Variants in ADAT2 observed in about 807,000 individuals in gnomAD.
ADAT2 encodes tRNA-specific adenosine-34 deaminase catalytic subunit ADAT2.
In ADAT2, 26 loss-of-function variants were observed where a neutral mutation model predicts 25.9. The observed-to-expected ratio is 1.00, with a 90% CI of 0.74 to 1.39. The LOEUF is 1.39. Among genes scored for constraint, ADAT2 ranks in the 40% most tolerant of loss-of-function variants. The pLI is 0.00. For synonymous variants in ADAT2, 76 were observed against 86.8 expected, an observed-to-expected ratio of 0.88 and a Z score of 0.69; for missense variants, 220 against 244.8, an observed-to-expected ratio of 0.90 and a Z score of 0.68.
chr6:143,432,666 C>G lies in ADAT2; in HGVS notation c.353-55G>C. 1.3e-6 allele frequency: 2 copies of G among 1,559,958 alleles called. No individual in the cohort carries two copies. Among genetic ancestry groups the G allele is most frequent in the Non-Finnish European group, 1.8e-6 (2 of 1,131,710 alleles). ...TGTACATTTCAAGTATGTATCGTGA[C>G]AAAATCAGAGTAGGTTTATACCAGC... is the stretch of plus-strand genomic sequence containing the variant. On this transcript the variant is annotated intron_variant, in intron 3 of 5. Coordinates refer to ENST00000237283, the MANE Select transcript of ADAT2 (RefSeq NM_182503.3). The surrounding 1 kb of genome is among the most constrained non-coding windows in gnomAD (Gnocchi z 4.4).
At position 143,424,588 on chromosome 6, in the gene ADAT2, C is replaced by A. The variant is rs1289539876; in HGVS notation, c.*3875G>T. ...CTGCAGTATCAGAAACATCTTAGGT[C>A]TATTTTCCAAAACCCTATCTTATCA... On this transcript the variant is annotated 3_prime_UTR_variant, in exon 6 of 6. Transcript: ENST00000237283. This position sits in a 1 kb window ranked among gnomAD's most constrained non-coding sequence, Gnocchi z 4.8. The A allele has an allele frequency of 6.6e-6, 1 of 152,058 alleles. No homozygotes were observed. Among genetic ancestry groups the A allele is most frequent in the Admixed American group, 6.5e-5 (1 of 15,276 alleles). The allele number at this position is 152,058 out of a possible 1,614,324, so 9.4% of individuals were successfully genotyped here. A position where few individuals can be genotyped will look rare whatever the true frequency, so the allele number is the denominator to read the frequency against.
In ADAT2 at chr6:143,434,656, T is replaced by A. The variant is rs1196090937; in HGVS notation, c.202-675A>T. Reference sequence around the variant, plus strand: ...CTGTAAGTCTAGGATTCCCCATATGTAAAATGGTATACACTGGTATCTACA... The same window carrying A: ...CTGTAAGTCTAGGATTCCCCATATGAAAAATGGTATACACTGGTATCTACA... On this transcript the variant is annotated intron_variant, in intron 2 of 5. Coordinates refer to ENST00000237283, the MANE Select transcript of ADAT2 (RefSeq NM_182503.3). This position sits in a 1 kb window ranked among gnomAD's most constrained non-coding sequence, Gnocchi z 4.5. Among the ~76,000 whole-genome samples, 1 of 152,214 alleles carries A rather than the reference T, an allele frequency of 6.6e-6. No homozygotes were observed. Among genetic ancestry groups the A allele is most frequent in the Non-Finnish European group, 1.5e-5 (1 of 68,044 alleles).
chr6:143,441,735 A>G (rs1288521943), intron 1 of ADAT2: 1 of 152,218 alleles, frequency 6.6e-6, no homozygotes, highest in Admixed American at 6.5e-5. Flanking sequence ...ACTATATGAG[A>G]AGGCAAAAGA....
Position 143,423,418 on chromosome 6 carries a change from G to T in ADAT2, c.*5045C>A, listed in dbSNP as rs546341843. The T allele has an allele frequency of 6.6e-6, 1 of 152,060 alleles. No individual in the cohort carries two copies. Among genetic ancestry groups the T allele is most frequent in the Non-Finnish European group, 1.5e-5 (1 of 68,038 alleles). 9.4% of individuals were successfully genotyped at this position (152,060 alleles called of 1,614,324 possible). On this transcript the variant is annotated 3_prime_UTR_variant, in exon 6 of 6. Coordinates refer to ENST00000237283, the MANE Select transcript of ADAT2 (RefSeq NM_182503.3). ...TTAAGTCATGAGTGGTACCGAAACCGGCAGCGGGCTGGATATGGCCCATGG... is the reference window on the plus strand; with the variant it reads ...TTAAGTCATGAGTGGTACCGAAACCTGCAGCGGGCTGGATATGGCCCATGG...
Position 143,438,549 on chromosome 6 carries a change from C to G in ADAT2, c.201+41G>C, listed in dbSNP as rs774199066. Reference sequence around the variant, plus strand: ...GGTAAATTCTCTCCAGTCCACCCATCACTACTGTATGTTTGCAATTATACT... The same window carrying G: ...GGTAAATTCTCTCCAGTCCACCCATGACTACTGTATGTTTGCAATTATACT... On this transcript the variant is annotated intron_variant, in intron 2 of 5. Coordinates refer to ENST00000237283, the MANE Select transcript of ADAT2 (RefSeq NM_182503.3). The G allele has an allele frequency of 2.5e-5, 37 of 1,488,298 alleles. No individual in the cohort carries two copies. In the South Asian group the frequency reaches 4.1e-4, roughly 17 times the overall value. 92.2% of individuals were successfully genotyped at this position (1,488,298 alleles called of 1,614,324 possible). A position where few individuals can be genotyped will look rare whatever the true frequency, so the allele number is the denominator to read the frequency against.
rs1778871099 is a variant in ADAT2, at chr6:143,424,415, T to C, written c.*4048A>G. On this transcript the variant is annotated 3_prime_UTR_variant, in exon 6 of 6. Coordinates refer to ENST00000237283, the MANE Select transcript of ADAT2 (RefSeq NM_182503.3). The surrounding 1 kb of genome is among the most constrained non-coding windows in gnomAD (Gnocchi z 4.8). ...AGTAATTTTTTCAAGAGCTTTGGCT[T>C]TTGCTATTTTTACTGACATTTTGAA... 1 of 152,216 alleles carries C rather than the reference T, an allele frequency of 6.6e-6. No individual in the cohort carries two copies. The highest frequency in any genetic ancestry group is 2.4e-5 in the African/African-American group (1 of 41,458). 9.4% of individuals were successfully genotyped at this position (152,216 alleles called of 1,614,324 possible).
At chr6:143,439,346 C>CAAAAAAAAAAAAAAAAA (rs35250658) in intron 1 of ADAT2, among the ~76,000 whole-genome samples, 2 of 111,556 alleles carry the variant, frequency 1.8e-5, no homozygotes, top group Admixed American at 9.2e-5. Context: ...TATGTGTCTA[C>CAAAAAAAAAAAAAAAAA]AAAAAAAAAA....
chr6:143,422,950 A>T lies in ADAT2; in HGVS notation c.*5513T>A, dbSNP rs1290709572. On this transcript the variant is annotated 3_prime_UTR_variant, in exon 6 of 6. Transcript: ENST00000237283. This position sits in a 1 kb window ranked among gnomAD's most constrained non-coding sequence, Gnocchi z 4.3. The stretch of plus-strand genomic sequence containing the variant: ...AATAAAACATTCTAAGCCAGAAAAC[A>T]TATTTTGGTATCTTAGATTTTTCCT... 1 of 152,226 alleles carries T rather than the reference A, an allele frequency of 6.6e-6. No homozygotes were observed. The highest frequency in any genetic ancestry group is 1.5e-5 in the Non-Finnish European group (1 of 68,036). The allele number at this position is 152,226 out of a possible 1,614,324, so 9.4% of individuals were successfully genotyped here.
rs189320908 is a variant in ADAT2 at position 143,432,412 on chromosome 6, C to T, written c.459+93G>A. 934 of 1,163,404 alleles carry T rather than the reference C, an allele frequency of 8.0e-4. 1 individual carries two copies. The highest frequency in any genetic ancestry group is 8.0e-3 in the African/African-American group (518 of 64,908). The allele number at this position is 1,163,404 out of a possible 1,614,324, so 72.1% of individuals were successfully genotyped here. ...AAGATGTCTGATTCTATCATCGTTT[C>T]TTCGTATACTGGCCACACACTAGTT... is the stretch of plus-strand genomic sequence containing the variant. On this transcript the variant is annotated intron_variant, in intron 4 of 5. Transcript: ENST00000237283. The surrounding 1 kb of genome is among the most constrained non-coding windows in gnomAD (Gnocchi z 4.4).
rs559701583 is a variant in ADAT2 at position 143,450,693 on chromosome 6, G to A, written c.-35C>T. 29 of 1,604,056 alleles carry A rather than the reference G, an allele frequency of 1.8e-5. No individual in the cohort carries two copies. Among genetic ancestry groups the A allele is most frequent in the Non-Finnish European group, 2.4e-5 (28 of 1,175,336 alleles). On this transcript the variant is annotated 5_prime_UTR_variant, in exon 1 of 6. Coordinates refer to ENST00000237283, the MANE Select transcript of ADAT2 (RefSeq NM_182503.3). ...CCACTCAGCTACAGAGCCCGCGGCA[G>A]AGGAGGAGCGCGGGCAGCGGAACGC...
rs1234998090 is a variant in ADAT2, at chr6:143,446,197, TAA to T, written c.96+4364_96+4365del. ...CCTGCATACACATATTTACAGTTTT[TAA>T]AAAGTCAAATAGATTTACACTGTAT... On this transcript the variant is annotated intron_variant, in intron 1 of 5. Coordinates refer to ENST00000237283, the MANE Select transcript of ADAT2 (RefSeq NM_182503.3). The surrounding 1 kb of genome is among the most constrained non-coding windows in gnomAD (Gnocchi z 5.0). Among the ~76,000 whole-genome samples, 1 of 152,120 alleles carries T rather than the reference TAA, an allele frequency of 6.6e-6. No homozygotes were observed. Among genetic ancestry groups the T allele is most frequent in the Non-Finnish European group, 1.5e-5 (1 of 68,012 alleles).
In ADAT2 at chr6:143,444,949, G is replaced by A. The variant is rs746253040; in HGVS notation, c.96+5614C>T. 5.4e-6 allele frequency: 7 copies of A among 1,303,244 alleles called. No individual in the cohort carries two copies. The highest frequency in any genetic ancestry group is 6.1e-6 in the Non-Finnish European group (6 of 988,584). 80.7% of individuals were successfully genotyped at this position (1,303,244 alleles called of 1,614,324 possible). On this transcript the variant is annotated intron_variant, in intron 1 of 5. Coordinates refer to ENST00000237283, the MANE Select transcript of ADAT2 (RefSeq NM_182503.3). The surrounding 1 kb of genome is among the most constrained non-coding windows in gnomAD (Gnocchi z 4.3). ...AGACCTTGTTTGCACACAGTTTGAT[G>A]AGTCCTTAAAGAAATATTTCCTATA...
rs1391175777 is a variant in ADAT2, at chr6:143,426,337, T to C, written c.*2126A>G. The stretch of plus-strand genomic sequence containing the variant: ...CTTGGAAATTGCTAGCAGAATTCCA[T>C]AGAGCTAATGTCTATGACACCCTCA... On this transcript the variant is annotated 3_prime_UTR_variant, in exon 6 of 6. Coordinates refer to ENST00000237283, the MANE Select transcript of ADAT2 (RefSeq NM_182503.3). The surrounding 1 kb of genome is among the most constrained non-coding windows in gnomAD (Gnocchi z 4.1). 6.6e-6 allele frequency: 1 copy of C among 152,220 alleles called. No individual in the cohort carries two copies. Among genetic ancestry groups the C allele is most frequent in the Non-Finnish European group, 1.5e-5 (1 of 68,054 alleles). The allele number at this position is 152,220 out of a possible 1,614,324, so 9.4% of individuals were successfully genotyped here.
Position 143,425,758 on chromosome 6 carries a change from T to C in ADAT2, c.*2705A>G, listed in dbSNP as rs1232505760. 1 of 151,576 alleles carries C rather than the reference T, an allele frequency of 6.6e-6. No homozygotes were observed. The highest frequency in any genetic ancestry group is 2.4e-5 in the African/African-American group (1 of 41,036). 9.4% of individuals were successfully genotyped at this position (151,576 alleles called of 1,614,324 possible). A position where few individuals can be genotyped will look rare whatever the true frequency, so the allele number is the denominator to read the frequency against. On this transcript the variant is annotated 3_prime_UTR_variant, in exon 6 of 6. Transcript: ENST00000237283. ...TTGTGTGTGTGTGTGTGTGTGTGTG[T>C]GTGTGTGTGTGTGTGTGTGTATTTT...
Position 143,434,224 on chromosome 6 carries a change from C to G in ADAT2, c.202-243G>C, listed in dbSNP as rs62429068. Among the ~76,000 whole-genome samples, 1 of 152,092 alleles carries G rather than the reference C, an allele frequency of 6.6e-6. No homozygotes were observed. The highest frequency in any genetic ancestry group is 1.5e-5 in the Non-Finnish European group (1 of 68,016). ...TCATGCTGTATTTTTAGTTAAGTAC[C>G]TAAGTACCTTAGGGAAAACTCTTTC... On this transcript the variant is annotated intron_variant, in intron 2 of 5. Transcript: ENST00000237283. This position sits in a 1 kb window ranked among gnomAD's most constrained non-coding sequence, Gnocchi z 4.5.
rs1188223630 is a variant in ADAT2, at chr6:143,434,536, G to A, written c.202-555C>T. Among the ~76,000 whole-genome samples the A allele has an allele frequency of 6.6e-6, 1 of 152,188 alleles. No individual in the cohort carries two copies. The highest frequency in any genetic ancestry group is 2.4e-5 in the African/African-American group (1 of 41,462). ...CTTCATGGGAAGCAGTAGAGGATAG[G>A]AGAAATCACATAGCATGTGGAAGTG... On this transcript the variant is annotated intron_variant, in intron 2 of 5. Transcript: ENST00000237283. The surrounding 1 kb of genome is among the most constrained non-coding windows in gnomAD (Gnocchi z 4.5).
Position 143,426,363 on chromosome 6 carries a change from G to C in ADAT2, c.*2100C>G, listed in dbSNP as rs1185377722. On this transcript the variant is annotated 3_prime_UTR_variant, in exon 6 of 6. Coordinates refer to ENST00000237283, the MANE Select transcript of ADAT2 (RefSeq NM_182503.3). This position sits in a 1 kb window ranked among gnomAD's most constrained non-coding sequence, Gnocchi z 4.1. ...AGAGCTAATGTCTATGACACCCTCA[G>C]TGGTCCTGCCCTCCAATCTGCAGTA... 1 of 152,190 alleles carries C rather than the reference G, an allele frequency of 6.6e-6. No individual in the cohort carries two copies. Among genetic ancestry groups the C allele is most frequent in the Non-Finnish European group, 1.5e-5 (1 of 68,046 alleles). The allele number at this position is 152,190 out of a possible 1,614,324, so 9.4% of individuals were successfully genotyped here. A position where few individuals can be genotyped will look rare whatever the true frequency, so the allele number is the denominator to read the frequency against.
Position 143,428,248 on chromosome 6 carries a change from G to A in ADAT2, c.*215C>T. On this transcript the variant is annotated 3_prime_UTR_variant, in exon 6 of 6. Coordinates refer to ENST00000237283, the MANE Select transcript of ADAT2 (RefSeq NM_182503.3). The surrounding 1 kb of genome is among the most constrained non-coding windows in gnomAD (Gnocchi z 5.0). ...TTAATTTTCCCCCATCTTAAAATGG[G>A]AATCAGCTTCTGGAAAAGCTAATAA... 3.4e-6 allele frequency: 2 copies of A among 590,458 alleles called. No homozygotes were observed. Among genetic ancestry groups the A allele is most frequent in the South Asian group, 4.6e-5 (2 of 43,590 alleles). The allele number at this position is 590,458 out of a possible 1,614,324, so 36.6% of individuals were successfully genotyped here. A position where few individuals can be genotyped will look rare whatever the true frequency, so the allele number is the denominator to read the frequency against.
chr6:143,431,656 C>G (rs531595045), intron 4 of ADAT2, among the ~76,000 whole-genome samples: 2 of 152,200 alleles, frequency 1.3e-5, no homozygotes, highest in Non-Finnish European at 2.9e-5. Flanking sequence ...AAAACTCGTT[C>G]TCAGTGAGAC....
Sources: allele counts gnomAD v4.1 joint callset (sites outside exome capture counted in the v4.1 genomes callset), GRCh38; gene constraint gnomAD v4.1.1; non-coding constraint Gnocchi (gnomAD v3.1); transcripts MANE v1.5; gene names NCBI Gene and HGNC (gene_info 2026-07-23, HGNC 2026-07-21).